The following ANKRD13C variants were observed in gnomAD, a reference collection of about 807,000 sequenced individuals.
The protein encoded by ANKRD13C is ankyrin repeat domain-containing protein 13C.
Under a neutral mutation model 65.5 loss-of-function variants are expected in ANKRD13C, and 16 were observed. The observed-to-expected ratio is 0.24, with a 90% CI of 0.17 to 0.37. The LOEUF (loss-of-function observed/expected upper bound fraction) is 0.37. ANKRD13C is among the 10% of genes least tolerant of loss of function. The pLI, the probability that ANKRD13C is intolerant of heterozygous loss-of-function variation, is 1.00. For synonymous variants in ANKRD13C, 235 were observed against 238.7 expected (o/e 0.98, Z 0.14); for missense variants, 503 against 655.9 (o/e 0.77, Z 2.55).
At chr1:70,349,362 A>G (rs906864649) in intron 1 of ANKRD13C, among the ~76,000 whole-genome samples, 1 of 152,206 alleles carries the variant, frequency 6.6e-6, no homozygotes, top group East Asian at 1.9e-4. Flanking sequence ...AACAGCTGTT[A>G]TTAAGTGATG....
rs746730801 is a variant in ANKRD13C, at chr1:70,276,825, A to T, written c.1235T>A (p.Leu412His). ...QNFEPIRRQS[L>H]TPPPQNTITW... Reference sequence around the variant, plus strand: ...AATAGTGTTCTGAGGAGGAGGTGTAAGAGACTGTCTTCGAATCGGCTGCCA... The same window carrying T: ...AATAGTGTTCTGAGGAGGAGGTGTATGAGACTGTCTTCGAATCGGCTGCCA... The change falls in exon 10 of 13, where the codon CTT becomes CAT. Residue 412 changes from leucine to histidine, a missense_variant. Coordinates refer to ENST00000370944, the MANE Select transcript of ANKRD13C (RefSeq NM_030816.5). 4.4e-6 allele frequency: 7 copies of T among 1,601,718 alleles called. No homozygotes were observed. The highest frequency in any genetic ancestry group is 5.9e-6 in the Non-Finnish European group (7 of 1,176,800).
At chr1:70,345,089 C>A (rs946406760) in intron 1 of ANKRD13C, among the ~76,000 whole-genome samples, 1 of 151,998 alleles carries the variant, frequency 6.6e-6, no homozygotes, top group Admixed American at 6.6e-5. Context: ...TTTTAATAAC[C>A]TTTTCTGATA....
intron 5 of ANKRD13C, 23 bp from the exon 6 acceptor site, chr1:70,306,313 T>C: frequency 2.0e-6 from 3 of 1,484,274 alleles, no homozygotes; most frequent in Non-Finnish European, 2.7e-6. Context: ...AAACAAAAGG[T>C]AAAAAATAAC....
intron 8 of ANKRD13C, among the ~76,000 whole-genome samples, chr1:70,295,799 T>C (rs1436154315): frequency 1.3e-5 from 2 of 152,184 alleles, no homozygotes; most frequent in African/African-American, 4.8e-5. Context: ...GTCAAGTTTA[T>C]CCCTTTTTGT....
intron 1 of ANKRD13C, among the ~76,000 whole-genome samples, chr1:70,351,050 A>G (rs1682722845): frequency 6.6e-6 from 1 of 152,150 alleles, no homozygotes; most frequent in Non-Finnish European, 1.5e-5. Flanking sequence ...GGTCCCAGCT[A>G]CTCAGGAGGC....
At chr1:70,325,045 T>A in intron 2 of ANKRD13C, 88 bp from the exon 3 acceptor site, 2 of 846,208 alleles carry the variant, frequency 2.4e-6, no homozygotes, top group Non-Finnish European at 1.8e-6. Flanking sequence ...TAAACCAAAT[T>A]AACATAAATA....
At chr1:70,347,104 A>C (rs1307317039) in intron 1 of ANKRD13C, among the ~76,000 whole-genome samples, 1 of 150,582 alleles carries the variant, frequency 6.6e-6, no homozygotes, top group African/African-American at 2.4e-5. Flanking sequence ...AAAAAAAAAA[A>C]AAAAAAAAAA....
intron 9 of ANKRD13C, among the ~76,000 whole-genome samples, chr1:70,286,012 T>C (rs1384182875): frequency 6.6e-6 from 1 of 152,026 alleles, no homozygotes; most frequent in Non-Finnish European, 1.5e-5. Context: ...ACCACTATTA[T>C]ATATATATAA....
chr1:70,281,970 A>G (rs1445761535), intron 9 of ANKRD13C, among the ~76,000 whole-genome samples: 3 of 151,314 alleles, frequency 2.0e-5, no homozygotes, highest in African/African-American at 4.8e-5. Flanking sequence ...ACTGCACTCC[A>G]GTATGGGCAA....
intron 7 of ANKRD13C, among the ~76,000 whole-genome samples, chr1:70,297,651 C>G (rs138692440): frequency 0.051 from 7,620 of 148,974 alleles, 312 homozygotes; most frequent in East Asian, 0.17. Flanking sequence ...CTAGGTGGCT[C>G]ATGCCTGTAA....
intron 9 of ANKRD13C, among the ~76,000 whole-genome samples, chr1:70,280,335 A>G (rs1679332658): frequency 6.6e-6 from 1 of 152,192 alleles, no homozygotes. Context: ...CTAAAAAAGA[A>G]CAAAAGAACT....
At chr1:70,292,576 TA>T (rs747843565) in intron 8 of ANKRD13C, 27 bp from the exon 9 acceptor site, 2 of 1,544,728 alleles carry the variant, frequency 1.3e-6, no homozygotes, top group East Asian at 4.6e-5. Context: ...TATTTAAAAG[TA>T]AAATTTTTAG....
intron 3 of ANKRD13C, among the ~76,000 whole-genome samples, chr1:70,319,474 G>A (rs2101502400): frequency 6.6e-6 from 1 of 152,094 alleles, no homozygotes; most frequent in Non-Finnish European, 1.5e-5. Flanking sequence ...GGGTGTGGTG[G>A]CGGGTGCCTG....
intron 2 of ANKRD13C, among the ~76,000 whole-genome samples, chr1:70,332,063 T>C (rs1681833212): frequency 6.6e-6 from 1 of 152,160 alleles, no homozygotes; most frequent in Non-Finnish European, 1.5e-5. Context: ...ATTGGTTGTG[T>C]CTACTCTATT....
intron 7 of ANKRD13C, among the ~76,000 whole-genome samples, chr1:70,299,524 T>A (rs1680234676): frequency 6.6e-6 from 1 of 152,138 alleles, no homozygotes; most frequent in Non-Finnish European, 1.5e-5. Context: ...TGAGAAATAA[T>A]GAATGTTTAA....
intron 2 of ANKRD13C, among the ~76,000 whole-genome samples, chr1:70,331,563 A>T (rs1175704175): frequency 6.6e-6 from 1 of 152,008 alleles, no homozygotes; most frequent in African/African-American, 2.4e-5. Context: ...AACACTAAGT[A>T]GGCCACGCAC....
chr1:70,353,965 C>T lies in ANKRD13C; in HGVS notation c.430+14G>A, dbSNP rs765113633. Reference sequence around the variant, plus strand: ...GGGGAAGGAGAGAGGTGGAGAGGGGCTAGCACTCCTCACCGTGATTATCTT... The same window carrying T: ...GGGGAAGGAGAGAGGTGGAGAGGGGTTAGCACTCCTCACCGTGATTATCTT... On this transcript the variant is annotated intron_variant, in intron 1 of 12. Transcript: ENST00000370944. 1 of 1,517,124 alleles carries T rather than the reference C, an allele frequency of 6.6e-7. No individual in the cohort carries two copies. Among genetic ancestry groups the T allele is most frequent in the Non-Finnish European group, 8.8e-7 (1 of 1,131,858 alleles). 94.0% of individuals were successfully genotyped at this position (1,517,124 alleles called of 1,614,324 possible).
rs1302961950 is a variant in ANKRD13C at position 70,262,703 on chromosome 1, C to T, written c.*14G>A. ...TTTCTTTCCTTGGTTAGACGGCATC[C>T]TTTTCCACGTCAGTTAAAGATCAGG... is the stretch of plus-strand genomic sequence containing the variant. On this transcript the variant is annotated 3_prime_UTR_variant, in exon 13 of 13. Transcript: ENST00000370944. 1.2e-6 allele frequency: 2 copies of T among 1,608,900 alleles called. No individual in the cohort carries two copies. Among genetic ancestry groups the T allele is most frequent in the East Asian group, 2.2e-5 (1 of 44,728 alleles).
At chr1:70,305,689 A>T (rs1036863351) in intron 6 of ANKRD13C, 1 of 152,206 alleles carries the variant, frequency 6.6e-6, no homozygotes, top group Non-Finnish European at 1.5e-5. Flanking sequence ...TCAAACATTA[A>T]TCTTAGTTAT....
Sources: gnomAD v4.1 joint callset for allele counts (sites outside exome capture counted in the v4.1 genomes callset) on GRCh38, gnomAD v4.1.1 for gene constraint, MANE v1.5 for transcripts, NCBI Gene and HGNC (gene_info 2026-07-23, HGNC 2026-07-21) for gene names.